SMC3: variants seen among roughly 807,000 people sequenced by gnomAD.
SMC3 encodes the protein structural maintenance of chromosomes protein 3.
In SMC3, 20 loss-of-function variants were observed where a neutral mutation model predicts 171.8. That is an observed-to-expected ratio of 0.12 (90% CI 0.08 to 0.17). The LOEUF is 0.17. Ranked by LOEUF, SMC3 falls within the 10% of genes least tolerant of loss-of-function variation. SMC3 has a pLI of 1.00. For synonymous variants in SMC3, 464 were observed against 451.1 expected, an observed-to-expected ratio of 1.03 and a Z score of -0.36; for missense variants, 543 against 1,420.4, an observed-to-expected ratio of 0.38 and a Z score of 9.93.
chr10:110,569,538 C>T (rs1248375081), intron 2 of SMC3, among the ~76,000 whole-genome samples: 1 of 151,996 alleles, frequency 6.6e-6, no homozygotes, highest in Non-Finnish European at 1.5e-5. Context: ...ATGTAAATGT[C>T]GAGTTGATGG....
intron 10 of SMC3, among the ~76,000 whole-genome samples, 169 bp from the exon 11 acceptor site, chr10:110,583,215 A>C (rs191275750): frequency 6.6e-6 from 1 of 152,192 alleles, no homozygotes; most frequent in East Asian, 1.9e-4. Flanking sequence ...GACCATAGTA[A>C]ACCCTTTTGT....
At chr10:110,598,993 A>G (rs925924173) in intron 20 of SMC3, among the ~76,000 whole-genome samples, 7 of 152,054 alleles carry the variant, frequency 4.6e-5, no homozygotes, top group African/African-American at 1.7e-4. Flanking sequence ...TAAACTTGAC[A>G]GTTTTGACAA....
rs1030439322 is a variant in SMC3, at chr10:110,604,629, G to C, written c.*327G>C. On this transcript the variant is annotated 3_prime_UTR_variant, in exon 29 of 29. Coordinates refer to ENST00000361804, the MANE Select transcript of SMC3 (RefSeq NM_005445.4). ...GCTTCAATTAAATAATCGGTTTTAT[G>C]ACTAATATAGTGTTTTATGTGGCTT... 9 of 299,254 alleles carry C rather than the reference G, an allele frequency of 3.0e-5. No individual in the cohort carries two copies. The highest frequency in any genetic ancestry group is 4.5e-5 in the Non-Finnish European group (7 of 156,568). 18.5% of individuals were successfully genotyped at this position (299,254 alleles called of 1,614,324 possible).
rs779435525 is a variant in SMC3 at position 110,596,555 on chromosome 10, CTTT to C, written c.2116+8_2116+10del. On this transcript the variant is annotated splice_donor_region_variant and intron_variant, in intron 19 of 28. Coordinates refer to ENST00000361804, the MANE Select transcript of SMC3 (RefSeq NM_005445.4). ...ACCTGCGCAGAAATATTGAAAATAT[CTTT>C]TTGTTTTGTGCATAGTGATAGATAT... is the stretch of plus-strand genomic sequence containing the variant. 3.1e-6 allele frequency: 5 copies of C among 1,613,352 alleles called. No homozygotes were observed. The Admixed American group carries it at 5.0e-5, about 16-fold the overall frequency.
chr10:110,568,821 T>A (rs188315536), intron 1 of SMC3, 117 bp from the exon 2 acceptor site: 8 of 671,928 alleles, frequency 1.2e-5, no homozygotes, highest in Non-Finnish European at 1.8e-5. Flanking sequence ...GAATTTTTCT[T>A]ATATGAAATT....
intron 13 of SMC3, among the ~76,000 whole-genome samples, chr10:110,588,812 T>C (rs544016502): frequency 4.6e-5 from 7 of 152,350 alleles, no homozygotes; most frequent in African/African-American, 1.4e-4. Flanking sequence ...AGATTTGTTA[T>C]AGGTTCTGCC....
At chr10:110,597,111 T>A (rs1352112244) in intron 19 of SMC3, among the ~76,000 whole-genome samples, 5 of 146,978 alleles carry the variant, frequency 3.4e-5, no homozygotes, top group African/African-American at 1.3e-4. Flanking sequence ...ACCACTGCAC[T>A]CCAGCCTGGG....
chr10:110,568,754 C>G (rs1860822534), intron 1 of SMC3, among the ~76,000 whole-genome samples, 184 bp from the exon 2 acceptor site: 1 of 149,582 alleles, frequency 6.7e-6, no homozygotes, highest in Non-Finnish European at 1.5e-5. Context: ...GCAAAGATTA[C>G]CGATAAAAGT....
At position 110,601,063 on chromosome 10, in the gene SMC3, C is replaced by T; in HGVS notation, c.2577C>T (p.Leu859=). The T allele has an allele frequency of 6.2e-7, 1 of 1,613,502 alleles. No homozygotes were observed. Among genetic ancestry groups the T allele is most frequent in the South Asian group, 1.1e-5 (1 of 91,042 alleles). ...ELRETEGGTV[L]TATTSELEAI... ...GAGAGACAGAAGGGGGTACTGTTCT[C>T]ACAGCCACAACATCAGAACTTGAAG... Residue 859 remains leucine (L), a synonymous_variant, in exon 23 of 29, where the codon CTC becomes CTT. Coordinates refer to ENST00000361804, the MANE Select transcript of SMC3 (RefSeq NM_005445.4).
chr10:110,569,123 T>C (rs980110064), intron 2 of SMC3, 110 bp downstream of exon 2: 22 of 759,830 alleles, frequency 2.9e-5, no homozygotes, highest in Middle Eastern at 6.5e-4. Context: ...GAATATTAAG[T>C]TATATTTTTC....
chr10:110,601,900 G>C lies in SMC3; in HGVS notation c.2892+16G>C. The stretch of plus-strand genomic sequence containing the variant: ...CCTCAAACAGGTTGGTTTTAAATTT[G>C]AAGTCTTGTTACAAATTGCTCAGTA... On this transcript the variant is annotated intron_variant, in intron 24 of 28. Transcript: ENST00000361804. The C allele has an allele frequency of 6.2e-7, 1 of 1,613,710 alleles. No homozygotes were observed. Among genetic ancestry groups the C allele is most frequent in the Non-Finnish European group, 8.5e-7 (1 of 1,179,738 alleles).
In SMC3 at chr10:110,577,853, T is replaced by C. The variant is rs1860976083; in HGVS notation, c.289T>C (p.Ser97Pro). 5 of 1,611,350 alleles carry C rather than the reference T, an allele frequency of 3.1e-6. No homozygotes were observed. Among genetic ancestry groups the C allele is most frequent in the Non-Finnish European group, 4.2e-6 (5 of 1,177,712 alleles). Residue 97 changes from serine (S) to proline (P), a missense_variant, in exon 6 of 29, where the codon TCA becomes CCA. By Grantham distance (74) the Ser-to-Pro change is moderately conservative. Around this residue, in one of 8 missense-constraint regions of SMC3, gnomAD observed 146 missense variants for 437.9 expected, o/e 0.33. Coordinates refer to ENST00000361804, the MANE Select transcript of SMC3 (RefSeq NM_005445.4). ...NRLPIDKEEV[S>P]LRRVIGAKKD... ...TTCTTAGATCGATAAAGAGGAAGTTTCACTTCGAAGAGTTATTGGTGCCAA... is the reference window on the plus strand; with the variant it reads ...TTCTTAGATCGATAAAGAGGAAGTTCCACTTCGAAGAGTTATTGGTGCCAA...
intron 15 of SMC3, 82 bp from the exon 16 acceptor site, chr10:110,590,330 G>A: frequency 1.7e-6 from 2 of 1,161,460 alleles, no homozygotes; most frequent in East Asian, 2.4e-5. Context: ...TTTTTAAAAT[G>A]TATGGTGTTG....
chr10:110,587,095 C>G (rs1861131493), intron 13 of SMC3, among the ~76,000 whole-genome samples: 1 of 152,090 alleles, frequency 6.6e-6, no homozygotes, highest in African/African-American at 2.4e-5. Context: ...TGATACATAT[C>G]CTACATACTT....
rs1380954310 is a variant in SMC3, at chr10:110,605,521, A to C, written c.*1219A>C. 6.6e-6 allele frequency among the ~76,000 whole-genome samples: 1 copy of C among 152,190 alleles called. No individual in the cohort carries two copies. The highest frequency in any genetic ancestry group is 1.5e-5 in the Non-Finnish European group (1 of 68,024). On this transcript the variant is annotated 3_prime_UTR_variant, in exon 29 of 29. Transcript: ENST00000361804. ...CCATCATTGGAAACCAGAAATACCT[A>C]AAGAGATACTTTTAAAATAAAGAAA...
At chr10:110,603,897 C>G (rs748786169) in intron 28 of SMC3, among the ~76,000 whole-genome samples, 3 of 151,816 alleles carry the variant, frequency 2.0e-5, no homozygotes, top group African/African-American at 7.3e-5. Flanking sequence ...AGTTTGAGAC[C>G]AACGTGGCCA....
intron 7 of SMC3, among the ~76,000 whole-genome samples, chr10:110,580,687 G>A (rs1425373280): frequency 2.6e-5 from 4 of 152,090 alleles, no homozygotes; most frequent in African/African-American, 9.7e-5. Flanking sequence ...GAACATTTTG[G>A]ATTTCAAATT....
Position 110,582,547 on chromosome 10 carries a change from T to G in SMC3, c.724-15T>G, listed in dbSNP as rs182034002. The G allele has an allele frequency of 1.3e-5, 21 of 1,561,754 alleles. No individual in the cohort carries two copies. The African/African-American group carries it at 2.9e-4, about 22-fold the overall frequency. ...ACAAAATGAGTTAGATATGATAAGT[T>G]GTTTTTTTTCTTAGCTTTCTGCTAA... On this transcript the variant is annotated splice_polypyrimidine_tract_variant and intron_variant, in intron 9 of 28. Coordinates refer to ENST00000361804, the MANE Select transcript of SMC3 (RefSeq NM_005445.4).
chr10:110,604,869 C>T lies in SMC3; in HGVS notation c.*567C>T, dbSNP rs541844875. On this transcript the variant is annotated 3_prime_UTR_variant, in exon 29 of 29. Transcript: ENST00000361804. ...CATTGATACATTACTATCAACTAAG[C>T]TCAAGATTTTATTCAGATTTGACTA... Among the ~76,000 whole-genome samples, 1 of 152,156 alleles carries T rather than the reference C, an allele frequency of 6.6e-6. No individual in the cohort carries two copies. Among genetic ancestry groups the T allele is most frequent in the Non-Finnish European group, 1.5e-5 (1 of 68,004 alleles).
Sources: gnomAD v4.1 joint callset for allele counts (sites outside exome capture counted in the v4.1 genomes callset) on GRCh38, gnomAD v4.1.1 for gene constraint, gnomAD v4.1.1 regional missense constraint, MANE v1.5 for transcripts, NCBI Gene and HGNC (gene_info 2026-07-23, HGNC 2026-07-21) for gene names.